Variants in ACTN2 observed in about 807,000 individuals in gnomAD.
ACTN2 encodes the protein actinin alpha 2.
A neutral mutation model predicts 113.8 loss-of-function variants in ACTN2; 39 were observed. The ratio of observed to expected loss-of-function variants is 0.34; its 90% confidence interval spans 0.27 to 0.45. ACTN2 has a LOEUF of 0.45. Ranked by LOEUF, ACTN2 falls within the 20% of genes least tolerant of loss-of-function variation. The pLI, the probability that ACTN2 is intolerant of heterozygous loss-of-function variation, is 1.00. For synonymous variants in ACTN2, 429 were observed against 444.1 expected, an observed-to-expected ratio of 0.97 and a Z score of 0.43; for missense variants, 992 against 1,177.9, an observed-to-expected ratio of 0.84 and a Z score of 2.31.
Position 236,762,602 on chromosome 1 carries a change from G to A in ACTN2, c.2668G>A (p.Gly890Arg), listed in dbSNP as rs536297856. 75 of 1,614,062 alleles carry A rather than the reference G, an allele frequency of 4.6e-5. No individual in the cohort carries two copies. The highest frequency in any genetic ancestry group is 6.1e-5 in the Non-Finnish European group (72 of 1,179,998). ...CGCTGCGTTCTCTTCCGCACTCTAC[G>A]GGGAGAGCGATCTGTGATGCTGAGC... ...DYAAFSSALYGESDL is the reference protein window; with the variant it reads ...DYAAFSSALYRESDL Residue 890 changes from glycine (G) to arginine (R), a missense_variant, in exon 21 of 21, where the codon GGG becomes AGG. By Grantham distance (125) the Gly-to-Arg change is moderately radical. Transcript: ENST00000366578.
chr1:236,721,022 G>GTTTTTTTTTTTT (rs869077774), intron 4 of ACTN2, among the ~76,000 whole-genome samples: 35 of 66,494 alleles, frequency 5.3e-4, no homozygotes, highest in Admixed American at 7.4e-4. Context: ...TTTGTTTTTT[G>GTTTTTTTTTTTT]TTTTTTTTTT....
At chr1:236,695,250 TG>T (rs2102862593) in intron 1 of ACTN2, among the ~76,000 whole-genome samples, 1 of 151,084 alleles carries the variant, frequency 6.6e-6, no homozygotes, top group Non-Finnish European at 1.5e-5. Context: ...TGGTGATGTC[TG>T]CCCATAATCC....
rs181799482 is a variant in ACTN2 at position 236,718,841 on chromosome 1, G to A, written c.242-53G>A. On this transcript the variant is annotated intron_variant, in intron 2 of 20. Transcript: ENST00000366578. ...TGCTTAGTTTTGGCATCTTGATTCC[G>A]CATCAAGAGGTCACTGTCTCTATGT... 309 of 1,613,022 alleles carry A rather than the reference G, an allele frequency of 1.9e-4. 1 individual carries two copies. Among genetic ancestry groups the A allele is most frequent in the Admixed American group, 1.5e-3 (92 of 59,970 alleles).
chr1:236,701,723 A>G (rs1657682991), intron 1 of ACTN2, among the ~76,000 whole-genome samples: 1 of 152,236 alleles, frequency 6.6e-6, no homozygotes, highest in African/African-American at 2.4e-5. Context: ...ACCAGTTACC[A>G]AAGTCCTGTC....
chr1:236,707,434 G>A (rs977337173), intron 1 of ACTN2, among the ~76,000 whole-genome samples: 23 of 152,164 alleles, frequency 1.5e-4, no homozygotes, highest in Non-Finnish European at 2.9e-4. Flanking sequence ...CTTAAATCGT[G>A]ACTATAGGCT....
chr1:236,762,830 T>G lies in ACTN2; in HGVS notation c.*211T>G. The G allele has an allele frequency of 1.7e-6, 1 of 594,754 alleles. No homozygotes were observed. Among genetic ancestry groups the G allele is most frequent in the South Asian group, 2.0e-5 (1 of 51,056 alleles). 36.8% of individuals were successfully genotyped at this position (594,754 alleles called of 1,614,324 possible). ...ACATAGTGCGCTTCATAAATAGGTT[T>G]ATTTCTGAGTTTTTAGCAAAATGTA... On this transcript the variant is annotated 3_prime_UTR_variant, in exon 21 of 21. Coordinates refer to ENST00000366578, the MANE Select transcript of ACTN2 (RefSeq NM_001103.4).
At chr1:236,759,516 TACC>T (rs1659643003) in intron 18 of ACTN2, among the ~76,000 whole-genome samples, 1 of 152,228 alleles carries the variant, frequency 6.6e-6, no homozygotes, top group Non-Finnish European at 1.5e-5. Flanking sequence ...GTCTGGTCTT[TACC>T]CTCCTCTCCC....
intron 8 of ACTN2, chr1:236,736,661 G>A (rs987491909): frequency 6.6e-7 from 1 of 1,525,286 alleles, no homozygotes; most frequent in Non-Finnish European, 8.8e-7. Flanking sequence ...GTGAATTCAA[G>A]TGCAATGGTA....
At chr1:236,721,026 T>TTG (rs1297116232) in intron 4 of ACTN2, among the ~76,000 whole-genome samples, 31 of 94,846 alleles carry the variant, frequency 3.3e-4, no homozygotes, top group African/African-American at 1.1e-3. Flanking sequence ...TTTTTTGTTT[T>TTG]TTTTTTTTTT....
chr1:236,741,340 G>A (rs986578907), intron 10 of ACTN2, among the ~76,000 whole-genome samples: 4 of 152,098 alleles, frequency 2.6e-5, no homozygotes, highest in East Asian at 1.9e-4. Flanking sequence ...ATGCCTGGGC[G>A]GGCCCATGGT....
chr1:236,721,015 G>GGTTTTTTTTTTTTTTTTTTTTTTTTT lies in ACTN2; in HGVS notation c.448+824_448+825insGTTTTTTTTTTTTTTTTTTTTTTTTT. 7.8e-3 allele frequency among the ~76,000 whole-genome samples: 383 copies of GGTTTTTTTTTTTTTTTTTTTTTTTTT among 49,176 alleles called. 179 individuals carry two copies. Among genetic ancestry groups the GGTTTTTTTTTTTTTTTTTTTTTTTTT allele is most frequent in the Non-Finnish European group, 8.9e-3 (261 of 29,432 alleles). The allele number at this position is 49,176 out of a possible 152,430, so 32.3% of individuals were successfully genotyped here. ...ACAGTAGCCTCTGACTCTGGTTTTT[G>GGTTTTTTTTTTTTTTTTTTTTTTTTT]TTTTTTGTTTTTTTTTTTTTTTTTT... is the stretch of plus-strand genomic sequence containing the variant. On this transcript the variant is annotated intron_variant, in intron 4 of 20. Coordinates refer to ENST00000366578, the MANE Select transcript of ACTN2 (RefSeq NM_001103.4).
chr1:236,728,633 GC>G (rs36115575), intron 6 of ACTN2, among the ~76,000 whole-genome samples: 60,179 of 151,394 alleles, frequency 0.4, 12,908 homozygotes, highest in East Asian at 0.55. Flanking sequence ...TTTTAGTTTT[GC>G]TTTTTTTCAG....
At chr1:236,730,990 C>T (rs1432805764) in intron 6 of ACTN2, among the ~76,000 whole-genome samples, 1 of 152,112 alleles carries the variant, frequency 6.6e-6, no homozygotes, top group Non-Finnish European at 1.5e-5. Context: ...TGCATCTGTT[C>T]TCTTAAACTC....
chr1:236,733,705 C>A (rs1208206956), intron 7 of ACTN2, among the ~76,000 whole-genome samples: 6 of 152,156 alleles, frequency 3.9e-5, no homozygotes, highest in African/African-American at 1.4e-4. Flanking sequence ...CTTCTATCAG[C>A]AGTTTAAAAT....
intron 4 of ACTN2, among the ~76,000 whole-genome samples, chr1:236,722,804 G>A (rs762349253): frequency 6.6e-6 from 1 of 152,112 alleles, no homozygotes. Context: ...CATGATCAGG[G>A]TTTTGTGTGT....
chr1:236,715,828 C>T (rs919707999), intron 1 of ACTN2, among the ~76,000 whole-genome samples: 1 of 152,128 alleles, frequency 6.6e-6, no homozygotes, highest in East Asian at 1.9e-4. Flanking sequence ...TGGTGGCAGG[C>T]ACCTGTATTC....
chr1:236,717,878 C>T lies in ACTN2; in HGVS notation c.147C>T (p.Asn49=), dbSNP rs1220450694. The T allele has an allele frequency of 6.2e-7, 1 of 1,614,068 alleles. No individual in the cohort carries two copies. The highest frequency in any genetic ancestry group is 1.6e-4 in the Middle Eastern group (1 of 6,062). Residue 49 remains asparagine, a synonymous_variant, in exon 2 of 21, where the codon AAC becomes AAT. Coordinates refer to ENST00000366578, the MANE Select transcript of ACTN2 (RefSeq NM_001103.4). ...TGCAGACCTTCACTGCCTGGTGTAA[C>T]TCCCACCTAAGGAAAGCCGGCACCC... is the stretch of plus-strand genomic sequence containing the variant. The part of the protein sequence containing the change: ...QQRKTFTAWC[N]SHLRKAGTQI...
intron 1 of ACTN2, among the ~76,000 whole-genome samples, chr1:236,707,653 A>T (rs1657867068): frequency 6.8e-6 from 1 of 148,018 alleles, no homozygotes; most frequent in Admixed American, 6.7e-5. Context: ...AGTTAGATTC[A>T]TAGTGCTTTT....
intron 4 of ACTN2, among the ~76,000 whole-genome samples, chr1:236,722,254 G>T (rs1249178264): frequency 1.3e-5 from 2 of 152,088 alleles, no homozygotes; most frequent in African/African-American, 4.8e-5. Context: ...GTGGTATGTT[G>T]AAAAATTCAT....
Sources: allele counts gnomAD v4.1 joint callset (sites outside exome capture counted in the v4.1 genomes callset), GRCh38; gene constraint gnomAD v4.1.1; transcripts MANE v1.5; gene names NCBI Gene and HGNC (gene_info 2026-07-23, HGNC 2026-07-21).